MAGI2: variants seen among roughly 807,000 people sequenced by gnomAD.
MAGI2 encodes membrane-associated guanylate kinase, WW and PDZ domain-containing protein 2.
Under a neutral mutation model 133.3 loss-of-function variants are expected in MAGI2, and 35 were observed. The observed-to-expected ratio is 0.26, with a 90% confidence interval of 0.20 to 0.35. The LOEUF is 0.35. Ranked by LOEUF, MAGI2 falls within the 10% of genes least tolerant of loss-of-function variation. The probability of loss-of-function intolerance (pLI) is 1.00; values close to 1 mark genes in which losing one functional copy is unlikely to be tolerated. For missense variants in MAGI2, 1,636 were observed against 1,863.4 expected (o/e 0.88, Z 2.25); for synonymous variants, 729 against 710.6 (o/e 1.03, Z -0.41).
At chr7:78,887,194 T>C (rs1796339685) in intron 2 of MAGI2, among the ~76,000 whole-genome samples, 1 of 152,244 alleles carries the variant, frequency 6.6e-6, no homozygotes. Flanking sequence ...TTCTGTATCT[T>C]AACGACCAAA....
chr7:78,672,110 G>A (rs764514944), intron 2 of MAGI2, among the ~76,000 whole-genome samples: 1 of 152,144 alleles, frequency 6.6e-6, no homozygotes, highest in African/African-American at 2.4e-5. Context: ...TTTAAAGAAG[G>A]TGATATCCTT....
At chr7:78,893,430 C>A (rs1047630801) in intron 2 of MAGI2, among the ~76,000 whole-genome samples, 2 of 152,034 alleles carry the variant, frequency 1.3e-5, no homozygotes, top group Non-Finnish European at 2.9e-5. Flanking sequence ...CACAGGCACA[C>A]GTATGTTTAT....
chr7:78,766,467 T>C (rs983562167), intron 2 of MAGI2, among the ~76,000 whole-genome samples: 2 of 152,196 alleles, frequency 1.3e-5, no homozygotes, highest in Non-Finnish European at 2.9e-5. Context: ...CCTATTAATA[T>C]GGGAACTTCC....
chr7:78,498,736 A>G (rs1794355260), intron 5 of MAGI2, among the ~76,000 whole-genome samples: 1 of 152,104 alleles, frequency 6.6e-6, no homozygotes, highest in African/African-American at 2.4e-5. Context: ...AGACAGATGA[A>G]TCACAAACTG....
At chr7:78,266,144 A>G (rs1793978822) in intron 9 of MAGI2, among the ~76,000 whole-genome samples, 1 of 151,546 alleles carries the variant, frequency 6.6e-6, no homozygotes, top group Non-Finnish European at 1.5e-5. Context: ...TTGTGTGTGT[A>G]TGTGTGTGTT....
At chr7:78,367,467 T>G (rs774092446) in intron 7 of MAGI2, among the ~76,000 whole-genome samples, 1 of 152,220 alleles carries the variant, frequency 6.6e-6, no homozygotes, top group Non-Finnish European at 1.5e-5. Context: ...CTGCCTGTTT[T>G]TGTAAATAAA....
intron 2 of MAGI2, among the ~76,000 whole-genome samples, chr7:78,918,407 A>G (rs980046669): frequency 9.2e-5 from 14 of 152,216 alleles, no homozygotes; most frequent in African/African-American, 3.1e-4. Context: ...TGATCTTTAA[A>G]TGATCTCAAC....
chr7:78,664,906 C>T (rs915539289), intron 2 of MAGI2, among the ~76,000 whole-genome samples: 1 of 151,968 alleles, frequency 6.6e-6, no homozygotes, highest in African/African-American at 2.4e-5. Flanking sequence ...AACAATCACT[C>T]ATGATTCATT....
At chr7:78,973,395 T>G (rs2116025470) in intron 2 of MAGI2, among the ~76,000 whole-genome samples, 1 of 151,954 alleles carries the variant, frequency 6.6e-6, no homozygotes, top group Middle Eastern at 3.4e-3. Flanking sequence ...ACAGAGGGAC[T>G]TCTTTACAGT....
At chr7:78,672,387 C>T (rs1017724321) in intron 2 of MAGI2, among the ~76,000 whole-genome samples, 1 of 152,098 alleles carries the variant, frequency 6.6e-6, no homozygotes, top group Non-Finnish European at 1.5e-5. Context: ...CATCATGCTC[C>T]CTATACAGTC....
At chr7:79,130,131 C>T (rs1820793891) in intron 1 of MAGI2, among the ~76,000 whole-genome samples, 1 of 146,718 alleles carries the variant, frequency 6.8e-6, no homozygotes, top group Admixed American at 7.0e-5. Flanking sequence ...TGAGACCCCC[C>T]TCACTTTGTT....
chr7:78,701,511 T>C (rs2151150281), intron 2 of MAGI2, among the ~76,000 whole-genome samples: 1 of 152,056 alleles, frequency 6.6e-6, no homozygotes, highest in Non-Finnish European at 1.5e-5. Context: ...GGATACATAA[T>C]TCATGTTTGG....
rs1292277366 is a variant in MAGI2 at position 79,075,952 on chromosome 7, A to T, written c.302-68746T>A. Among the ~76,000 whole-genome samples, 6 of 152,086 alleles carry T rather than the reference A, an allele frequency of 3.9e-5. No homozygotes were observed. The South Asian group carries it at 6.2e-4, about 16-fold the overall frequency. On this transcript the variant is annotated intron_variant, in intron 1 of 21. Transcript: ENST00000354212. ...AGAGACTCAAATAATATGATACTTT[A>T]AAAAAAATCTGTATCCAGAGCCACT...
intron 2 of MAGI2, among the ~76,000 whole-genome samples, chr7:78,792,266 T>C (rs1483325285): frequency 3.3e-5 from 5 of 152,192 alleles, no homozygotes; most frequent in East Asian, 1.9e-4. Flanking sequence ...CTTTACACAA[T>C]AAACACTTAG....
intron 10 of MAGI2, among the ~76,000 whole-genome samples, chr7:78,228,719 T>C (rs1047434765): frequency 6.6e-6 from 1 of 152,128 alleles, no homozygotes; most frequent in Non-Finnish European, 1.5e-5. Context: ...AAAGTAGAAA[T>C]ATATTTATGG....
chr7:78,460,604 G>T (rs1018931020), intron 6 of MAGI2, among the ~76,000 whole-genome samples: 4 of 152,152 alleles, frequency 2.6e-5, no homozygotes, highest in Admixed American at 6.5e-5. Flanking sequence ...TCAAGTTAAG[G>T]AATCTTTGAA....
At chr7:79,407,291 A>C (rs1160531391) in intron 1 of MAGI2, among the ~76,000 whole-genome samples, 1 of 152,172 alleles carries the variant, frequency 6.6e-6, no homozygotes, top group African/African-American at 2.4e-5. Flanking sequence ...GCCACGTTAA[A>C]GAAAACCTTC....
At chr7:78,410,736 C>T (rs1393331535) in intron 6 of MAGI2, among the ~76,000 whole-genome samples, 3 of 151,482 alleles carry the variant, frequency 2.0e-5, no homozygotes, top group African/African-American at 7.3e-5. Context: ...GAATCACTAC[C>T]TGGGGGAAAA....
chr7:79,072,519 C>CTA (rs1815080831), intron 1 of MAGI2, among the ~76,000 whole-genome samples: 1 of 152,048 alleles, frequency 6.6e-6, no homozygotes, highest in African/African-American at 2.4e-5. Context: ...GGTAGGAAGA[C>CTA]TACTATGTGG....
Sources: gnomAD v4.1 joint callset for allele counts (sites outside exome capture counted in the v4.1 genomes callset) on GRCh38, gnomAD v4.1.1 for gene constraint, MANE v1.5 for transcripts, NCBI Gene and HGNC (gene_info 2026-07-23, HGNC 2026-07-21) for gene names.